Variants in IQCM observed in about 807,000 individuals in gnomAD.
IQCM encodes IQ domain-containing protein M.
In IQCM, 45 loss-of-function variants were observed where a neutral mutation model predicts 57.6. The ratio of observed to expected loss-of-function variants is 0.78; its 90% confidence interval spans 0.62 to 1.00. The LOEUF is 1.00. IQCM is among the 50% of genes least tolerant of loss of function. IQCM has a pLI of 0.00. For synonymous variants in IQCM, 148 were observed against 158.9 expected (o/e 0.93, Z 0.51); for missense variants, 468 against 511.6 (o/e 0.91, Z 0.82).
chr4:149,576,559 T>C, intron 9 of IQCM, among the ~76,000 whole-genome samples: 1 of 151,958 alleles, frequency 6.6e-6, no homozygotes, highest in Non-Finnish European at 1.5e-5. Context: ...TCCATGTTAC[T>C]GCAAAGAATA....
chr4:149,404,730 A>C (rs1257070499), intron 13 of IQCM, among the ~76,000 whole-genome samples: 1 of 152,104 alleles, frequency 6.6e-6, no homozygotes, highest in Non-Finnish European at 1.5e-5. Flanking sequence ...AATGAAAGAA[A>C]AGAATGTAGT....
Position 149,402,778 on chromosome 4 carries a change from T to C in IQCM, c.1390+30618A>G, listed in dbSNP as rs73859742. Among the ~76,000 whole-genome samples the C allele has an allele frequency of 9.4e-3, 1,428 of 152,020 alleles. 17 individuals carry two copies. The highest frequency in any genetic ancestry group is 0.033 in the African/African-American group (1,356 of 41,550). On this transcript the variant is annotated intron_variant, in intron 13 of 13. Coordinates refer to ENST00000636793, the MANE Select transcript of IQCM (RefSeq NM_001363507.2). ...TGTCGTATAACTATTTAAAATAAAT[T>C]ATGCCTTTATTTTTATGGTGCTTCA...
chr4:149,629,579 A>T (rs1035781844), intron 7 of IQCM, among the ~76,000 whole-genome samples: 7 of 152,210 alleles, frequency 4.6e-5, no homozygotes, highest in Admixed American at 6.5e-5. Flanking sequence ...AGAAAAAAAA[A>T]TTAACAAGCA....
chr4:149,462,873 C>T (rs1387583298), intron 12 of IQCM, among the ~76,000 whole-genome samples: 1 of 152,162 alleles, frequency 6.6e-6, no homozygotes, highest in African/African-American at 2.4e-5. Context: ...GGAGAACATA[C>T]AAATCTGAGC....
intron 9 of IQCM, among the ~76,000 whole-genome samples, chr4:149,574,947 A>G (rs772817856): frequency 5.3e-5 from 8 of 151,944 alleles, no homozygotes; most frequent in Non-Finnish European, 1.5e-5. Context: ...GAGATCTGTG[A>G]TGCCTCCCTC....
chr4:149,602,467 CA>C, intron 8 of IQCM, among the ~76,000 whole-genome samples: 1 of 152,170 alleles, frequency 6.6e-6, no homozygotes, highest in African/African-American at 2.4e-5. Flanking sequence ...ATCAAGTGAC[CA>C]AAAACTTACC....
intron 12 of IQCM, among the ~76,000 whole-genome samples, chr4:149,519,171 T>C (rs1490978586): frequency 2.6e-5 from 4 of 152,230 alleles, no homozygotes; most frequent in Non-Finnish European, 5.9e-5. Flanking sequence ...TGATGTTATA[T>C]ACAATATACA....
chr4:149,526,844 G>T (rs1746210733), intron 12 of IQCM, among the ~76,000 whole-genome samples: 1 of 151,644 alleles, frequency 6.6e-6, no homozygotes, highest in Non-Finnish European at 1.5e-5. Flanking sequence ...TTTTGTTGTT[G>T]TTTCCTATAT....
intron 12 of IQCM, among the ~76,000 whole-genome samples, chr4:149,461,968 TGGGG>T: frequency 6.6e-6 from 1 of 152,236 alleles, no homozygotes; most frequent in East Asian, 1.9e-4. Context: ...GTCTGTGGCC[TGGGG>T]GTTGGGGTCC....
At chr4:149,801,993 T>G (rs1773645034) in intron 2 of IQCM, among the ~76,000 whole-genome samples, 1 of 150,874 alleles carries the variant, frequency 6.6e-6, no homozygotes, top group African/African-American at 2.4e-5. Flanking sequence ...TCAAAACATC[T>G]CATGTACCCT....
intron 12 of IQCM, among the ~76,000 whole-genome samples, chr4:149,527,815 A>T (rs1258873683): frequency 6.6e-6 from 1 of 152,150 alleles, no homozygotes; most frequent in African/African-American, 2.4e-5. Context: ...GCCATGCAGC[A>T]ATATGAAGAA....
intron 8 of IQCM, among the ~76,000 whole-genome samples, chr4:149,600,548 C>T (rs1754182477): frequency 1.3e-5 from 2 of 152,136 alleles, no homozygotes; most frequent in African/African-American, 2.4e-5. Context: ...TTGTCTTCTA[C>T]ATTGTTTATT....
chr4:149,667,339 C>T (rs909145700), intron 7 of IQCM, among the ~76,000 whole-genome samples: 1 of 152,022 alleles, frequency 6.6e-6, no homozygotes, highest in South Asian at 2.1e-4. Flanking sequence ...GAAGAGGGGC[C>T]TGACTGTTAA....
rs146944330 is a variant in IQCM, at chr4:149,758,853, G to A, written c.-48-16114C>T. On this transcript the variant is annotated intron_variant, in intron 2 of 13. Transcript: ENST00000636793. The stretch of plus-strand genomic sequence containing the variant: ...ACAGGAACTCACTCATTGCTGGTGG[G>A]AATGCGAAATGATACAGCCACTCTG... 7.2e-4 allele frequency among the ~76,000 whole-genome samples: 109 copies of A among 152,260 alleles called. 2 individuals carry two copies. In the East Asian group the frequency reaches 0.02, roughly 28 times the overall value.
intron 12 of IQCM, among the ~76,000 whole-genome samples, chr4:149,465,110 AGAT>A (rs1242927512): frequency 6.6e-6 from 1 of 152,228 alleles, no homozygotes; most frequent in African/African-American, 2.4e-5. Context: ...AACACATTCA[AGAT>A]GATATGTCAA....
chr4:149,483,669 G>A (rs1450385970), intron 12 of IQCM, among the ~76,000 whole-genome samples: 1 of 151,976 alleles, frequency 6.6e-6, no homozygotes, highest in Non-Finnish European at 1.5e-5. Context: ...AATGCTTTGA[G>A]AGTTGTTTTG....
intron 12 of IQCM, among the ~76,000 whole-genome samples, chr4:149,523,457 C>T (rs1267814406): frequency 6.6e-6 from 1 of 152,006 alleles, no homozygotes; most frequent in Non-Finnish European, 1.5e-5. Flanking sequence ...GGACAGTTCA[C>T]ATGTCACATA....
chr4:149,392,943 G>A (rs2111093666), intron 13 of IQCM, among the ~76,000 whole-genome samples: 1 of 152,114 alleles, frequency 6.6e-6, no homozygotes, highest in South Asian at 2.1e-4. Context: ...GGCTGAGGTG[G>A]GAGGACTGCT....
At chr4:149,405,141 G>A (rs927614837) in intron 13 of IQCM, among the ~76,000 whole-genome samples, 7 of 151,256 alleles carry the variant, frequency 4.6e-5, no homozygotes, top group Admixed American at 1.3e-4. Flanking sequence ...AAAAAGAAAG[G>A]AAAAAAAAGA....
Sources: gnomAD v4.1 joint callset for allele counts (sites outside exome capture counted in the v4.1 genomes callset) on GRCh38, gnomAD v4.1.1 for gene constraint, MANE v1.5 for transcripts, NCBI Gene and HGNC (gene_info 2026-07-23, HGNC 2026-07-21) for gene names.